Variants in DNMT3A observed in about 807,000 individuals in gnomAD.
The protein encoded by DNMT3A is DNA (cytosine-5)-methyltransferase 3A.
A neutral mutation model predicts 117.6 loss-of-function variants in DNMT3A; 267 were observed. That is an observed-to-expected ratio of 2.27 (90% CI 2.05 to 2.51). The LOEUF (loss-of-function observed/expected upper bound fraction) is 2.51. Ranked by LOEUF, DNMT3A falls within the 30% of genes most tolerant of loss-of-function variation. DNMT3A has a pLI of 0.00. For synonymous variants in DNMT3A, 432 were observed against 474.8 expected (o/e 0.91, Z 1.17); for missense variants, 1,029 against 1,260.2 (o/e 0.82, Z 2.78).
chr2:25,336,403 G>A (rs1030030880), intron 1 of DNMT3A, among the ~76,000 whole-genome samples: 1 of 152,056 alleles, frequency 6.6e-6, no homozygotes, highest in Non-Finnish European at 1.5e-5. Flanking sequence ...CCAGAAAAGG[G>A]ACCCTTCTCC....
chr2:25,260,787 C>A (rs1031460619), intron 6 of DNMT3A, among the ~76,000 whole-genome samples: 7 of 152,046 alleles, frequency 4.6e-5, no homozygotes, highest in African/African-American at 1.7e-4. Flanking sequence ...GGAGTGCGGA[C>A]TGAGAGGTGA....
At position 25,311,098 on chromosome 2, in the gene DNMT3A, G is replaced by A. The variant is rs1386607851; in HGVS notation, c.72+2815C>T. On this transcript the variant is annotated intron_variant, in intron 2 of 22. Coordinates refer to ENST00000321117, the MANE Select transcript of DNMT3A (RefSeq NM_022552.5). This position sits in a 1 kb window ranked among gnomAD's most constrained non-coding sequence, Gnocchi z 5.2. Reference sequence around the variant, plus strand: ...CAGGAAGTATGGGAGTGGGGCTGGAGTGAAAGGTGCATGGAGGCGGGGCTG... The same window carrying A: ...CAGGAAGTATGGGAGTGGGGCTGGAATGAAAGGTGCATGGAGGCGGGGCTG... Among the ~76,000 whole-genome samples the A allele has an allele frequency of 7.0e-6, 1 of 143,430 alleles. No individual in the cohort carries two copies. Among genetic ancestry groups the A allele is most frequent in the East Asian group, 2.1e-4 (1 of 4,666 alleles). The allele number at this position is 143,430 out of a possible 152,430, so 94.1% of individuals were successfully genotyped here.
Position 25,282,309 on chromosome 2 carries a change from A to G in DNMT3A, c.448+132T>C. On this transcript the variant is annotated intron_variant, in intron 4 of 22. Coordinates refer to ENST00000321117, the MANE Select transcript of DNMT3A (RefSeq NM_022552.5). This position sits in a 1 kb window ranked among gnomAD's most constrained non-coding sequence, Gnocchi z 5.2. ...GCATCCAGCCAGTAGCCTCCAGGCCATAGCCTTGGCAAGCAGACCTTTAGC... is the reference window on the plus strand; with the variant it reads ...GCATCCAGCCAGTAGCCTCCAGGCCGTAGCCTTGGCAAGCAGACCTTTAGC... 1.3e-6 allele frequency: 2 copies of G among 1,486,960 alleles called. No individual in the cohort carries two copies. The highest frequency in any genetic ancestry group is 1.8e-6 in the Non-Finnish European group (2 of 1,112,706). 92.1% of individuals were successfully genotyped at this position (1,486,960 alleles called of 1,614,324 possible). A position where few individuals can be genotyped will look rare whatever the true frequency, so the allele number is the denominator to read the frequency against.
chr2:25,259,953 C>A (rs968958613), intron 6 of DNMT3A, among the ~76,000 whole-genome samples: 2 of 152,210 alleles, frequency 1.3e-5, no homozygotes, highest in Non-Finnish European at 2.9e-5. Context: ...TCTTTCCCCC[C>A]CAACCCTGTT....
At chr2:25,284,657 A>G (rs2032155525) in intron 3 of DNMT3A, among the ~76,000 whole-genome samples, 1 of 143,562 alleles carries the variant, frequency 7.0e-6, no homozygotes, top group Non-Finnish European at 1.5e-5. Flanking sequence ...AAAAAAAAAA[A>G]AAAAAAAAAA....
chr2:25,253,223 C>T (rs139825496), intron 6 of DNMT3A, among the ~76,000 whole-genome samples: 1 of 152,242 alleles, frequency 6.6e-6, no homozygotes, highest in Non-Finnish European at 1.5e-5. Flanking sequence ...CCAAGGCAGA[C>T]GCAGTCCCCA....
Position 25,232,926 on chromosome 2 carries a change from G to A in DNMT3A, c.*1353C>T, listed in dbSNP as rs987087102. ...TTGTGCACAGAGGGGTGGATGGTGG[G>A]GGCCTCATAAAAGAACACACAAAAG... On this transcript the variant is annotated 3_prime_UTR_variant, in exon 23 of 23. Coordinates refer to ENST00000321117, the MANE Select transcript of DNMT3A (RefSeq NM_022552.5). This position sits in a 1 kb window ranked among gnomAD's most constrained non-coding sequence, Gnocchi z 4.1. 5 of 231,298 alleles carry A rather than the reference G, an allele frequency of 2.2e-5. No homozygotes were observed. The highest frequency in any genetic ancestry group is 1.8e-4 in the South Asian group (1 of 5,510). 14.3% of individuals were successfully genotyped at this position (231,298 alleles called of 1,614,324 possible). A position where few individuals can be genotyped will look rare whatever the true frequency, so the allele number is the denominator to read the frequency against.
At chr2:25,283,347 C>T (rs2032036766) in intron 3 of DNMT3A, among the ~76,000 whole-genome samples, 1 of 123,890 alleles carries the variant, frequency 8.1e-6, no homozygotes, top group African/African-American at 3.2e-5. Context: ...TGCGACAGAG[C>T]AAGACTCCGC....
In DNMT3A at chr2:25,244,232, AG is replaced by A. The variant is rs1372557170; in HGVS notation, c.1773del (p.Tyr592ThrfsTer59). Reference protein sequence around the residue: ...WNCYMCGHKGTYGLLRRREDW... With the variant: ...WNCYMCGHKGXYGLLRRREDW... The stretch of plus-strand genomic sequence containing the variant: ...TCCTCTCGCCGCCGCAGCAGCCCGT[AG>A]GTACCCTTGTGCCCGCACATGTAGC... On this transcript the variant is annotated frameshift_variant, in exon 15 of 23. Coordinates refer to ENST00000321117, the MANE Select transcript of DNMT3A (RefSeq NM_022552.5). LOFTEE classifies it high-confidence loss of function. 1 of 1,614,020 alleles carries A rather than the reference AG, an allele frequency of 6.2e-7. No homozygotes were observed. The highest frequency in any genetic ancestry group is 8.5e-7 in the Non-Finnish European group (1 of 1,180,028).
intron 6 of DNMT3A, among the ~76,000 whole-genome samples, chr2:25,268,998 T>G (rs918721805): frequency 1.3e-5 from 2 of 152,200 alleles, no homozygotes; most frequent in African/African-American, 4.8e-5. Flanking sequence ...AATACCCTGA[T>G]GAAATATGAT....
chr2:25,241,600 T>C lies in DNMT3A; in HGVS notation c.2044A>G (p.Met682Val), dbSNP rs1674038199. ...ACGCTGCGGACGTCCCCGACGTACATGATCTTCCCCTGGTGCCGCACCATG... is the reference window on the plus strand; with the variant it reads ...ACGCTGCGGACGTCCCCGACGTACACGATCTTCCCCTGGTGCCGCACCATG... Reference protein sequence around the residue: ...VGMVRHQGKIMYVGDVRSVTQ... With the variant: ...VGMVRHQGKIVYVGDVRSVTQ... The change falls in exon 17 of 23, where the codon ATG (methionine) becomes GTG (valine). Residue 682 changes from methionine to valine, a missense_variant. Coordinates refer to ENST00000321117, the MANE Select transcript of DNMT3A (RefSeq NM_022552.5). The C allele has an allele frequency of 1.9e-6, 3 of 1,613,198 alleles. No individual in the cohort carries two copies. The highest frequency in any genetic ancestry group is 1.3e-5 in the African/African-American group (1 of 74,904).
intron 14 of DNMT3A, 29 bp downstream of exon 14, chr2:25,244,511 G>A: frequency 6.2e-7 from 1 of 1,610,620 alleles, no homozygotes; most frequent in Non-Finnish European, 8.5e-7. Context: ...CCCAGCTAAG[G>A]AGACCACTGG....
intron 7 of DNMT3A, 31 bp downstream of exon 7, chr2:25,248,006 G>C (rs1007371796): frequency 6.2e-7 from 1 of 1,611,292 alleles, no homozygotes; most frequent in Non-Finnish European, 8.5e-7. Context: ...CCCGGAAAGA[G>C]CTGGCCACGG....
intron 1 of DNMT3A, among the ~76,000 whole-genome samples, chr2:25,326,104 A>ATGTGTGTGTG (rs1218749742): frequency 1.8e-5 from 2 of 109,940 alleles, no homozygotes; most frequent in African/African-American, 8.2e-5. Context: ...TTAACTTGAT[A>ATGTGTGTGTG]TATATGTGTG....
chr2:25,285,937 C>G (rs2032278070), intron 3 of DNMT3A, among the ~76,000 whole-genome samples: 1 of 111,392 alleles, frequency 9.0e-6, no homozygotes, highest in African/African-American at 3.4e-5. Flanking sequence ...CAACATGGCA[C>G]TACCATAGAG....
chr2:25,301,231 TGCACTCTAG>T (rs2033496613), intron 2 of DNMT3A, among the ~76,000 whole-genome samples: 1 of 150,328 alleles, frequency 6.7e-6, no homozygotes, highest in African/African-American at 2.5e-5. Flanking sequence ...ATCACGCCAC[TGCACTCTAG>T]CCTGGGAGAC....
At chr2:25,283,460 A>T (rs1379817567) in intron 3 of DNMT3A, among the ~76,000 whole-genome samples, 1 of 150,998 alleles carries the variant, frequency 6.6e-6, no homozygotes, top group Non-Finnish European at 1.5e-5. Flanking sequence ...CAAGTCTGGG[A>T]CTCAGGCTGG....
intron 1 of DNMT3A, among the ~76,000 whole-genome samples, chr2:25,340,483 G>C (rs956924936): frequency 1.5e-4 from 23 of 152,136 alleles, no homozygotes; most frequent in African/African-American, 5.5e-4. Flanking sequence ...CCAGGGGCGG[G>C]CCCTGGACCC....
chr2:25,281,043 C>T lies in DNMT3A; in HGVS notation c.448+1398G>A, dbSNP rs565123668. Among the ~76,000 whole-genome samples the T allele has an allele frequency of 6.6e-6, 1 of 152,264 alleles. No individual in the cohort carries two copies. Among genetic ancestry groups the T allele is most frequent in the South Asian group, 2.1e-4 (1 of 4,810 alleles). On this transcript the variant is annotated intron_variant, in intron 4 of 22. Transcript: ENST00000321117. This position sits in a 1 kb window ranked among gnomAD's most constrained non-coding sequence, Gnocchi z 4.8. ...CTGATGGGTTCTCTCACACACCTGG[C>T]ATTGTTAATGGGAAGGATGGTGTCT...
Sources: gnomAD v4.1 joint callset for allele counts (sites outside exome capture counted in the v4.1 genomes callset) on GRCh38, gnomAD v4.1.1 for gene constraint, Gnocchi (gnomAD v3.1) non-coding constraint, MANE v1.5 for transcripts, NCBI Gene and HGNC (gene_info 2026-07-23, HGNC 2026-07-21) for gene names.